Variants in TGIF2 observed in about 807,000 individuals in gnomAD.
TGIF2 encodes homeobox protein TGIF2.
In TGIF2, 5 loss-of-function variants were observed where a neutral mutation model predicts 15.1. The observed-to-expected ratio is 0.33, with a 90% CI of 0.17 to 0.70. The LOEUF is 0.70. TGIF2 is among the 30% of genes least tolerant of loss of function. The probability of loss-of-function intolerance (pLI) is 0.67; values close to 1 mark genes in which losing one functional copy is unlikely to be tolerated. For synonymous variants in TGIF2, 131 were observed against 128.9 expected, an observed-to-expected ratio of 1.02 and a Z score of -0.11; for missense variants, 264 against 302.5, an observed-to-expected ratio of 0.87 and a Z score of 0.94.
At chr20:36,575,569 G>C (rs1368410405) in intron 1 of TGIF2, among the ~76,000 whole-genome samples, 1 of 152,162 alleles carries the variant, frequency 6.6e-6, no homozygotes, top group African/African-American at 2.4e-5. Flanking sequence ...GGAGTGGCAC[G>C]TCTAACCAGT....
chr20:36,592,799 GTTTTGTT>G lies in TGIF2; in HGVS notation c.*1384_*1390del, dbSNP rs548772022. On this transcript the variant is annotated 3_prime_UTR_variant, in exon 3 of 3. Coordinates refer to ENST00000373872, the MANE Select transcript of TGIF2 (RefSeq NM_021809.7). ...CCTTTCCCCCATTTTTTCTTTTGCT[GTTTTGTT>G]TTTTGTTTTTTGTTTGTTTGTTTGT... is the stretch of plus-strand genomic sequence containing the variant. 187 of 157,378 alleles carry G rather than the reference GTTTTGTT, an allele frequency of 1.2e-3. 1 individual carries two copies. Among genetic ancestry groups the G allele is most frequent in the Admixed American group, 1.9e-3 (29 of 15,336 alleles). The allele number at this position is 157,378 out of a possible 1,614,324, so 9.7% of individuals were successfully genotyped here.
At chr20:36,584,108 A>G (rs2038602871) in intron 2 of TGIF2, among the ~76,000 whole-genome samples, 1 of 152,132 alleles carries the variant, frequency 6.6e-6, no homozygotes, top group South Asian at 2.1e-4. Flanking sequence ...TGCCAGCCTA[A>G]TGACATCACC....
At chr20:36,586,690 A>AT (rs1353869493) in intron 2 of TGIF2, among the ~76,000 whole-genome samples, 3 of 102,308 alleles carry the variant, frequency 2.9e-5, no homozygotes, top group Non-Finnish European at 2.1e-5. Context: ...GTGAGACTCC[A>AT]TTTCCCCCCC....
At chr20:36,581,360 T>TGCCTTCAGCCTTCA (rs894305652) in intron 2 of TGIF2, among the ~76,000 whole-genome samples, 2 of 152,120 alleles carry the variant, frequency 1.3e-5, no homozygotes, top group African/African-American at 4.8e-5. Flanking sequence ...CGGGTCTCCC[T>TGCCTTCAGCCTTCA]GCCTTCAGCC....
intron 2 of TGIF2, among the ~76,000 whole-genome samples, chr20:36,585,581 C>A (rs2038641052): frequency 6.6e-6 from 1 of 151,852 alleles, no homozygotes; most frequent in Non-Finnish European, 1.5e-5. Context: ...TGTTTTATCT[C>A]TCCCTGGGGA....
At chr20:36,573,468 C>T (rs1479705914), upstream of TGIF2, 1 of 147,378 alleles carries the variant, frequency 6.8e-6, no homozygotes, top group Admixed American at 6.7e-5. Context: ...CGAAGCCCCT[C>T]GGCGCCGACG....
intron 1 of TGIF2, among the ~76,000 whole-genome samples, chr20:36,575,256 G>A (rs557839615): frequency 1.4e-4 from 22 of 152,094 alleles, no homozygotes; most frequent in Non-Finnish European, 3.1e-4. Flanking sequence ...ATTGCCTGGC[G>A]TGAGTGTGTC....
At position 36,592,799 on chromosome 20, in the gene TGIF2, G is replaced by GTTTTGTT. The variant is rs548772022; in HGVS notation, c.*1384_*1390dup. 1 of 157,260 alleles carries GTTTTGTT rather than the reference G, an allele frequency of 6.4e-6. No individual in the cohort carries two copies. The highest frequency in any genetic ancestry group is 2.4e-5 in the African/African-American group (1 of 41,484). 9.7% of individuals were successfully genotyped at this position (157,260 alleles called of 1,614,324 possible). On this transcript the variant is annotated 3_prime_UTR_variant, in exon 3 of 3. Transcript: ENST00000373872. ...CCTTTCCCCCATTTTTTCTTTTGCT[G>GTTTTGTT]TTTTGTTTTTTGTTTTTTGTTTGTT... is the stretch of plus-strand genomic sequence containing the variant.
chr20:36,577,068 ACT>A (rs368574110), intron 1 of TGIF2, among the ~76,000 whole-genome samples: 18 of 152,088 alleles, frequency 1.2e-4, no homozygotes, highest in Middle Eastern at 3.4e-3. Context: ...GTTGACATGC[ACT>A]GGTGCGATCA....
intron 2 of TGIF2, among the ~76,000 whole-genome samples, chr20:36,580,591 C>T (rs1247707975): frequency 2.0e-5 from 3 of 151,862 alleles, no homozygotes; most frequent in Admixed American, 6.6e-5. Context: ...GTAGGAGGAT[C>T]GCATGCGCCC....
At chr20:36,587,526 A>G (rs894564722) in intron 2 of TGIF2, among the ~76,000 whole-genome samples, 4 of 152,024 alleles carry the variant, frequency 2.6e-5, no homozygotes, top group African/African-American at 9.7e-5. Flanking sequence ...GTATGGGAGG[A>G]GGCAGCTGTG....
intron 1 of TGIF2, among the ~76,000 whole-genome samples, chr20:36,574,066 C>CG (rs1226894103): frequency 1.3e-5 from 2 of 151,208 alleles, no homozygotes; most frequent in Non-Finnish European, 3.0e-5. Context: ...AGTGAGCGCG[C>CG]GGGGGGACGG....
intron 2 of TGIF2, among the ~76,000 whole-genome samples, chr20:36,579,808 T>C (rs1234497257): frequency 6.6e-6 from 1 of 152,186 alleles, no homozygotes; most frequent in Non-Finnish European, 1.5e-5. Context: ...TTGTGACGAA[T>C]AGATTCAGAA....
chr20:36,573,911 G>A (rs1189024559), intron 1 of TGIF2, among the ~76,000 whole-genome samples, 166 bp downstream of exon 1: 1 of 151,768 alleles, frequency 6.6e-6, no homozygotes, highest in Non-Finnish European at 1.5e-5. Flanking sequence ...CCCGGGGGGT[G>A]TTTGTGAGTC....
rs1233954336 is a variant in TGIF2 at position 36,593,709 on chromosome 20, C to T, written c.*2278C>T. The T allele has an allele frequency of 6.6e-6, 1 of 152,614 alleles. No homozygotes were observed. The highest frequency in any genetic ancestry group is 6.5e-5 in the Admixed American group (1 of 15,270). 9.5% of individuals were successfully genotyped at this position (152,614 alleles called of 1,614,324 possible). On this transcript the variant is annotated 3_prime_UTR_variant, in exon 3 of 3. Coordinates refer to ENST00000373872, the MANE Select transcript of TGIF2 (RefSeq NM_021809.7). ...GTATTGGGCTGAGGTGGGATTTTCC[C>T]TCCCCACAGTGCACTGAGCAATGGA...
At chr20:36,586,549 C>T (rs760971163) in intron 2 of TGIF2, among the ~76,000 whole-genome samples, 2 of 152,098 alleles carry the variant, frequency 1.3e-5, no homozygotes, top group Non-Finnish European at 2.9e-5. Context: ...ACAAAAATTA[C>T]TTGGGCATGT....
chr20:36,574,306 G>C (rs977644101), intron 1 of TGIF2, among the ~76,000 whole-genome samples: 1 of 152,002 alleles, frequency 6.6e-6, no homozygotes, highest in Non-Finnish European at 1.5e-5. Flanking sequence ...CGGGGCGCGT[G>C]GGGCCGGCGC....
At chr20:36,586,317 G>A (rs1213478127) in intron 2 of TGIF2, among the ~76,000 whole-genome samples, 2 of 152,262 alleles carry the variant, frequency 1.3e-5, no homozygotes, top group East Asian at 3.9e-4. Flanking sequence ...TTTCTGGGTA[G>A]CTGGTCTGAA....
At chr20:36,587,247 C>G (rs1294827277) in intron 2 of TGIF2, among the ~76,000 whole-genome samples, 1 of 152,180 alleles carries the variant, frequency 6.6e-6, no homozygotes, top group Non-Finnish European at 1.5e-5. Context: ...CAGACAGATG[C>G]TAGGCTGCCA....
Sources: allele counts gnomAD v4.1 joint callset (sites outside exome capture counted in the v4.1 genomes callset), GRCh38; gene constraint gnomAD v4.1.1; transcripts MANE v1.5; gene names NCBI Gene and HGNC (gene_info 2026-07-23, HGNC 2026-07-21).